SLC5A4: variants seen among roughly 807,000 people sequenced by gnomAD.
SLC5A4 encodes solute carrier family 5 member 4, also known as probable glucose sensor protein SLC5A4.
Under a neutral mutation model 70.3 loss-of-function variants are expected in SLC5A4, and 55 were observed. That is an observed-to-expected ratio of 0.78 (90% confidence interval 0.63 to 0.98). The LOEUF is 0.98. SLC5A4 is among the 50% of genes least tolerant of loss of function. The pLI is 0.00. For missense variants in SLC5A4, 735 were observed against 839.2 expected (o/e 0.88, Z 1.53); for synonymous variants, 268 against 305.7 (o/e 0.88, Z 1.29).
chr22:32,354,158 G>A, the SLC5A4 span, among the ~76,000 whole-genome samples: 41 of 146,244 alleles, frequency 2.8e-4, no homozygotes, highest in African/African-American at 9.7e-4. Flanking sequence ...AACGGGCAGT[G>A]GATACGTCCC....
chr22:32,229,392 C>G (rs1925611221), intron 10 of SLC5A4, 48 bp from the exon 11 acceptor site: 1 of 1,592,364 alleles, frequency 6.3e-7, no homozygotes, highest in Admixed American at 1.7e-5. Flanking sequence ...TGGACACTGC[C>G]TTGCTAAACC....
the SLC5A4 span, among the ~76,000 whole-genome samples, chr22:32,263,302 A>AT: frequency 1.3e-5 from 2 of 152,224 alleles, no homozygotes; most frequent in African/African-American, 4.8e-5. Context: ...CCTTGCCTCA[A>AT]TACTGGTTTT....
intron 8 of SLC5A4, among the ~76,000 whole-genome samples, chr22:32,234,149 T>C (rs1302122648): frequency 1.3e-5 from 2 of 152,188 alleles, no homozygotes; most frequent in African/African-American, 4.8e-5. Flanking sequence ...GGGATCAAGT[T>C]AATGAGCAGA....
the SLC5A4 span, among the ~76,000 whole-genome samples, chr22:32,288,065 G>A: frequency 6.7e-6 from 1 of 149,472 alleles, no homozygotes; most frequent in African/African-American, 2.5e-5. Flanking sequence ...GGTCAGGCTG[G>A]TCTCAAATTC....
intron 13 of SLC5A4, among the ~76,000 whole-genome samples, chr22:32,223,795 G>A (rs543766316): frequency 1.5e-4 from 23 of 152,258 alleles, no homozygotes; most frequent in African/African-American, 5.1e-4. Flanking sequence ...CTGGTGCTTT[G>A]CACATACTAG....
chr22:32,301,855 AC>A, the SLC5A4 span, among the ~76,000 whole-genome samples: 8 of 149,494 alleles, frequency 5.4e-5, no homozygotes, highest in African/African-American at 2.0e-4. Context: ...AAAAAAAAAA[AC>A]CCTCACATTT....
the SLC5A4 span, among the ~76,000 whole-genome samples, chr22:32,304,463 G>A: frequency 3.3e-5 from 5 of 151,838 alleles, no homozygotes; most frequent in South Asian, 4.2e-4. Flanking sequence ...TTTCTTTTTT[G>A]AGACAGGGTC....
chr22:32,305,511 C>T, the SLC5A4 span, among the ~76,000 whole-genome samples: 3 of 148,928 alleles, frequency 2.0e-5, no homozygotes, highest in African/African-American at 7.5e-5. Context: ...GGGGTGCCAG[C>T]AGTCTGGTAT....
At chr22:32,354,056 C>T in the SLC5A4 span, among the ~76,000 whole-genome samples, 2 of 151,620 alleles carry the variant, frequency 1.3e-5, no homozygotes, top group Admixed American at 6.6e-5. Flanking sequence ...CAACCCGCCC[C>T]GCCGGAACCA....
intron 4 of SLC5A4, among the ~76,000 whole-genome samples, chr22:32,248,321 G>C (rs558508279): frequency 2.6e-5 from 4 of 152,252 alleles, no homozygotes; most frequent in Admixed American, 1.3e-4. Context: ...GTTACAACTT[G>C]AGAAAGTTAC....
chr22:32,269,473 C>T, the SLC5A4 span: 97 of 534,994 alleles, frequency 1.8e-4, 1 homozygote, highest in South Asian at 1.5e-3. This position sits in a 1 kb window ranked among gnomAD's most constrained non-coding sequence, Gnocchi z 4.1. Context: ...CCATCCTGTT[C>T]GAGCCCAACC....
chr22:32,289,435 G>C, the SLC5A4 span, among the ~76,000 whole-genome samples: 1 of 152,134 alleles, frequency 6.6e-6, no homozygotes, highest in Non-Finnish European at 1.5e-5. Flanking sequence ...GAGTGAGTGA[G>C]TTCTCAGGAG....
chr22:32,272,434 A>C, the SLC5A4 span: 2 of 856,196 alleles, frequency 2.3e-6, no homozygotes, highest in Non-Finnish European at 3.9e-6. Flanking sequence ...GCAGCTCTAC[A>C]TCCACCAGAT....
chr22:32,315,549 A>C, the SLC5A4 span, among the ~76,000 whole-genome samples: 1 of 152,282 alleles, frequency 6.6e-6, no homozygotes, highest in African/African-American at 2.4e-5. Context: ...AGAGAAATAA[A>C]AGGATTAAAG....
the SLC5A4 span, chr22:32,272,399 CG>C: frequency 4.4e-6 from 4 of 904,534 alleles, no homozygotes; most frequent in East Asian, 1.0e-4. Flanking sequence ...AGCGAGCTGA[CG>C]GGCATGGCCT....
the SLC5A4 span, among the ~76,000 whole-genome samples, chr22:32,328,778 C>A: frequency 3.9e-5 from 6 of 152,224 alleles, no homozygotes; most frequent in East Asian, 1.2e-3. Flanking sequence ...TTACACAGCA[C>A]CAGCTAGCTA....
chr22:32,332,395 G>A, the SLC5A4 span, among the ~76,000 whole-genome samples: 1 of 151,308 alleles, frequency 6.6e-6, no homozygotes, highest in Non-Finnish European at 1.5e-5. Context: ...TATTTCCAGT[G>A]CCTGGACCAC....
chr22:32,257,962 G>A (rs930249170), upstream of SLC5A4, among the ~76,000 whole-genome samples: 6 of 151,454 alleles, frequency 4.0e-5, no homozygotes, highest in East Asian at 3.9e-4. Context: ...GAGCCACCTC[G>A]CCCAGCTAAG....
At chr22:32,269,885 G>A in the SLC5A4 span, 1 of 577,512 alleles carries the variant, frequency 1.7e-6, no homozygotes, top group South Asian at 1.5e-5. This position sits in a 1 kb window ranked among gnomAD's most constrained non-coding sequence, Gnocchi z 4.1. Flanking sequence ...GCGTCCGAGT[G>A]TTCCACTTTT....
Sources: gnomAD v4.1 joint callset for allele counts (sites outside exome capture counted in the v4.1 genomes callset) on GRCh38, gnomAD v4.1.1 for gene constraint, Gnocchi (gnomAD v3.1) non-coding constraint, MANE v1.5 for transcripts, NCBI Gene and HGNC (gene_info 2026-07-23, HGNC 2026-07-21) for gene names.